KATNAL2: variants seen among roughly 807,000 people sequenced by gnomAD.
KATNAL2 encodes the protein katanin p60 ATPase-containing subunit A-like 2.
Under a neutral mutation model 76.3 loss-of-function variants are expected in KATNAL2, and 52 were observed. That is an observed-to-expected ratio of 0.68 (90% CI 0.55 to 0.86). The LOEUF (loss-of-function observed/expected upper bound fraction) is 0.86, where lower values mean the gene tolerates loss of function less well. Ranked by LOEUF, KATNAL2 falls within the 40% of genes least tolerant of loss-of-function variation. KATNAL2 has a pLI of 0.00. For synonymous variants in KATNAL2, 243 were observed against 244.2 expected, an observed-to-expected ratio of 1.00 and a Z score of 0.05; for missense variants, 660 against 668.9, an observed-to-expected ratio of 0.99 and a Z score of 0.15.
At chr18:46,932,201 A>G (rs1303727881) in intron 1 of KATNAL2, among the ~76,000 whole-genome samples, 2 of 152,034 alleles carry the variant, frequency 1.3e-5, no homozygotes, top group Admixed American at 6.6e-5. Context: ...GTGAGCCACC[A>G]CGCCCGTCCC....
chr18:46,943,046 C>G (rs2059291774), intron 1 of KATNAL2, among the ~76,000 whole-genome samples: 1 of 152,032 alleles, frequency 6.6e-6, no homozygotes, highest in South Asian at 2.1e-4. Context: ...TCTGATTACT[C>G]CAACTGTGAA....
chr18:47,076,077 G>C (rs1288185033), intron 14 of KATNAL2: 3 of 152,018 alleles, frequency 2.0e-5, no homozygotes, highest in Non-Finnish European at 4.4e-5. Flanking sequence ...GGCACCCCTG[G>C]CTTGAAAAAA....
intron 4 of KATNAL2, 86 bp downstream of exon 4, chr18:47,046,613 A>G: frequency 1.0e-6 from 1 of 971,238 alleles, no homozygotes; most frequent in Non-Finnish European, 1.6e-6. Flanking sequence ...AATACAATAG[A>G]CTTTCTTGTT....
At chr18:46,953,129 C>T (rs1021646179) in intron 3 of KATNAL2, among the ~76,000 whole-genome samples, 3 of 151,960 alleles carry the variant, frequency 2.0e-5, no homozygotes, top group African/African-American at 4.8e-5. Flanking sequence ...CTCCTGACCT[C>T]GTCATCTGCC....
chr18:46,939,506 C>T (rs1042513584), intron 1 of KATNAL2, among the ~76,000 whole-genome samples: 4 of 152,050 alleles, frequency 2.6e-5, no homozygotes, highest in East Asian at 1.9e-4. Context: ...AAGTATTCAT[C>T]GTGTGCCAGG....
intron 3 of KATNAL2, among the ~76,000 whole-genome samples, chr18:46,956,906 G>A (rs955292191): frequency 9.2e-5 from 14 of 151,962 alleles, no homozygotes; most frequent in Admixed American, 8.5e-4. Flanking sequence ...AGCCAGGCGT[G>A]GTGGCATGCA....
chr18:46,958,199 G>C (rs1210894788), intron 3 of KATNAL2, among the ~76,000 whole-genome samples: 1 of 151,874 alleles, frequency 6.6e-6, no homozygotes, highest in Non-Finnish European at 1.5e-5. Context: ...GCTGCTTTTA[G>C]ATTAGAACCA....
intron 4 of KATNAL2, among the ~76,000 whole-genome samples, chr18:47,047,488 T>A (rs2061197398): frequency 6.6e-6 from 1 of 152,174 alleles, no homozygotes; most frequent in Non-Finnish European, 1.5e-5. Flanking sequence ...GCAATGCCCA[T>A]TCTATAACTG....
chr18:46,957,553 C>CT (rs67089810), intron 3 of KATNAL2, among the ~76,000 whole-genome samples: 31 of 60,524 alleles, frequency 5.1e-4, no homozygotes, highest in South Asian at 3.7e-3. Flanking sequence ...CGCGCCTGGC[C>CT]TTTTTTTTTT....
chr18:47,045,897 A>T (rs1214408532), intron 3 of KATNAL2, among the ~76,000 whole-genome samples: 1 of 152,198 alleles, frequency 6.6e-6, no homozygotes, highest in African/African-American at 2.4e-5. Flanking sequence ...TTGAGCAAAG[A>T]CCTTATCATA....
At chr18:47,069,025 T>C (rs1034804847) in intron 11 of KATNAL2, among the ~76,000 whole-genome samples, 195 bp from the exon 12 acceptor site, 26 of 152,216 alleles carry the variant, frequency 1.7e-4, no homozygotes, top group Non-Finnish European at 2.9e-5. Flanking sequence ...GGCATTCTAA[T>C]CAAGCGTGAA....
chr18:46,953,057 G>C (rs1395575311), intron 3 of KATNAL2, among the ~76,000 whole-genome samples: 3 of 151,834 alleles, frequency 2.0e-5, no homozygotes, highest in African/African-American at 7.3e-5. Context: ...ACCATGCCTG[G>C]CTAATTTTTT....
intron 1 of KATNAL2, among the ~76,000 whole-genome samples, chr18:46,923,439 A>T (rs2146495864): frequency 6.6e-6 from 1 of 152,004 alleles, no homozygotes; most frequent in Middle Eastern, 3.4e-3. Context: ...CATGGTGTAT[A>T]TGTGCCACAT....
intron 4 of KATNAL2, among the ~76,000 whole-genome samples, chr18:47,048,828 C>CTTTTTTTTTTTTTT (rs35366730): frequency 1.3e-5 from 1 of 76,722 alleles, no homozygotes; most frequent in African/African-American, 5.3e-5. Context: ...AAGCCAGACT[C>CTTTTTTTTTTTTTT]TTTTTTTTTT....
intron 1 of KATNAL2, among the ~76,000 whole-genome samples, chr18:46,938,061 A>T (rs1294881670): frequency 6.6e-6 from 1 of 152,032 alleles, no homozygotes; most frequent in Non-Finnish European, 1.5e-5. Context: ...GTGCCACTGC[A>T]CTCCTGGGTG....
chr18:46,965,332 A>C (rs1346298435), intron 3 of KATNAL2, among the ~76,000 whole-genome samples: 1 of 116,900 alleles, frequency 8.6e-6, no homozygotes, highest in Admixed American at 7.8e-5. Context: ...AACAAAGAGA[A>C]GTCAGCAGGC....
At chr18:47,037,023 A>G (rs533461333) in intron 3 of KATNAL2, among the ~76,000 whole-genome samples, 2 of 152,370 alleles carry the variant, frequency 1.3e-5, no homozygotes, top group East Asian at 3.9e-4. Context: ...ACTGTAAAAC[A>G]GAAGTATAGT....
At chr18:47,091,031 A>G (rs143983943) in intron 15 of KATNAL2, 2 of 152,202 alleles carry the variant, frequency 1.3e-5, no homozygotes, top group Non-Finnish European at 2.9e-5. Flanking sequence ...TCTTATGCTG[A>G]TAATTTCAAC....
rs1362564284 is a variant in KATNAL2 at position 47,082,423 on chromosome 18, T to C, written c.1211+4962T>C. 2.0e-5 allele frequency among the ~76,000 whole-genome samples: 3 copies of C among 152,168 alleles called. 1 individual carries two copies. The highest frequency in any genetic ancestry group is 1.9e-4 in the East Asian group (1 of 5,200). ...AGGACCACTGGACTAATCTAAGGATTTGATAAACATCACATAGAGATAAGC... is the reference window on the plus strand; with the variant it reads ...AGGACCACTGGACTAATCTAAGGATCTGATAAACATCACATAGAGATAAGC... On this transcript the variant is annotated intron_variant, in intron 15 of 17. Coordinates refer to ENST00000683218, the MANE Select transcript of KATNAL2 (RefSeq NM_001387690.1).
Sources: allele counts gnomAD v4.1 joint callset (sites outside exome capture counted in the v4.1 genomes callset), GRCh38; gene constraint gnomAD v4.1.1; transcripts MANE v1.5; gene names NCBI Gene and HGNC (gene_info 2026-07-23, HGNC 2026-07-21).